Variants in AMACR observed in about 807,000 individuals in gnomAD.
AMACR encodes alpha-methylacyl-CoA racemase, also known as 2-methylacyl-CoA racemase.
A neutral mutation model predicts 22.2 loss-of-function variants in AMACR; 18 were observed. The observed-to-expected ratio is 0.81, with a 90% CI of 0.56 to 1.20. The LOEUF is 1.20. AMACR is among the 50% of genes most tolerant of loss of function. The pLI is 0.00. For synonymous variants in AMACR, 213 were observed against 191.3 expected, an observed-to-expected ratio of 1.11 and a Z score of -0.94; for missense variants, 499 against 490.6, an observed-to-expected ratio of 1.02 and a Z score of -0.16.
At chr5:34,002,177 A>G (rs1753838892) in intron 3 of AMACR, among the ~76,000 whole-genome samples, 1 of 152,018 alleles carries the variant, frequency 6.6e-6, no homozygotes, top group Admixed American at 6.6e-5. Flanking sequence ...TTTGTATTTT[A>G]GTAGAGATGG....
intron 4 of AMACR, chr5:33,997,157 T>C (rs1193679935): frequency 2.7e-6 from 2 of 747,358 alleles, no homozygotes; most frequent in African/African-American, 3.5e-5. Flanking sequence ...TGGGGTGTTG[T>C]CTTAGCAATT....
At chr5:33,999,939 T>C (rs1401001900) in intron 3 of AMACR, among the ~76,000 whole-genome samples, 3 of 152,196 alleles carry the variant, frequency 2.0e-5, no homozygotes, top group African/African-American at 4.8e-5. Flanking sequence ...CACACATATA[T>C]ACACATATGC....
At position 34,005,874 on chromosome 5, in the gene AMACR, G is replaced by C. The variant is rs1337155075; in HGVS notation, c.273C>G (p.Gly91=). 1 of 1,614,112 alleles carries C rather than the reference G, an allele frequency of 6.2e-7. No individual in the cohort carries two copies. Among genetic ancestry groups the C allele is most frequent in the Non-Finnish European group, 8.5e-7 (1 of 1,180,028 alleles). ...GATTTTCCCGCTGCAGAATCTCTGG[G>C]CCCAGCTGGAGTTTCTCCATGACAC... ...RRGVMEKLQL[G]PEILQRENPR... is the part of the protein sequence containing the mutation. Residue 91 remains glycine (G), a synonymous_variant, in exon 2 of 5, where the codon GGC becomes GGG. Coordinates refer to ENST00000335606, the MANE Select transcript of AMACR (RefSeq NM_014324.6).
In AMACR at chr5:33,989,319, T is replaced by A; in HGVS notation, c.923A>T (p.His308Leu). 1 of 1,614,176 alleles carries A rather than the reference T, an allele frequency of 6.2e-7. No homozygotes were observed. The highest frequency in any genetic ancestry group is 8.5e-7 in the Non-Finnish European group (1 of 1,180,038). Residue 308 changes from histidine to leucine, a missense_variant, in exon 5 of 5, where the codon CAC (histidine) becomes CTC (leucine). Transcript: ENST00000335606. ...LTFEEVVHHDHNKERGSFITS... is the reference protein window; with the variant it reads ...LTFEEVVHHDLNKERGSFITS... ...GATAAACGAGCCCCGTTCCTTGTTG[T>A]GATCATGATGAACAACCTCCTCAAA...
intron 2 of AMACR, 29 bp from the exon 3 acceptor site, chr5:34,004,763 T>C: frequency 6.2e-7 from 1 of 1,605,260 alleles, no homozygotes; most frequent in Non-Finnish European, 8.5e-7. Context: ...ATTTAATGTC[T>C]CTTTTAAATT....
At position 33,989,159 on chromosome 5, in the gene AMACR, G is replaced by A. The variant is rs561675407; in HGVS notation, c.1083C>T (p.Arg361=). ...EEILEEFGFS[R]EEIYQLNSDK... is the part of the protein sequence containing the mutation. ...CTGAGTTAAGCTGATAAATCTCTTC[G>A]CGGCTGAATCCAAATTCTTCAAGTA... Residue 361 remains arginine (R), a synonymous_variant, in exon 5 of 5, where the codon CGC becomes CGT. Coordinates refer to ENST00000335606, the MANE Select transcript of AMACR (RefSeq NM_014324.6). 3.9e-5 allele frequency: 63 copies of A among 1,614,112 alleles called. 1 individual carries two copies. In the Admixed American group the frequency reaches 6.2e-4, roughly 16 times the overall value.
At position 33,994,037 on chromosome 5, in the gene AMACR, C is replaced by T. The variant is rs372698354; in HGVS notation, c.740-4535G>A. 68 of 455,470 alleles carry T rather than the reference C, an allele frequency of 1.5e-4. 1 individual carries two copies. Among genetic ancestry groups the T allele is most frequent in the Middle Eastern group, 1.0e-3 (3 of 2,964 alleles). The allele number at this position is 455,470 out of a possible 1,614,324, so 28.2% of individuals were successfully genotyped here. A position where few individuals can be genotyped will look rare whatever the true frequency, so the allele number is the denominator to read the frequency against. On this transcript the variant is annotated intron_variant, in intron 4 of 4. Coordinates refer to ENST00000335606, the MANE Select transcript of AMACR (RefSeq NM_014324.6). Reference sequence around the variant, plus strand: ...TTTTTGTCCTAGAAAATAGCAGGGACGCAGCAGAGTATGCACCTTAAAAAG... The same window carrying T: ...TTTTTGTCCTAGAAAATAGCAGGGATGCAGCAGAGTATGCACCTTAAAAAG...
chr5:34,007,336 G>T lies in AMACR; in HGVS notation c.247+437C>A, dbSNP rs79853365. Among the ~76,000 whole-genome samples the T allele has an allele frequency of 8.6e-3, 1,306 of 152,248 alleles. 19 individuals carry two copies. Among genetic ancestry groups the T allele is most frequent in the African/African-American group, 0.03 (1,246 of 41,540 alleles). On this transcript the variant is annotated intron_variant, in intron 1 of 4. Coordinates refer to ENST00000335606, the MANE Select transcript of AMACR (RefSeq NM_014324.6). ...GCCAGCATTTCAGGCAGGGAGGAGC[G>T]TTAGCCTGGGCCCGTGGATGGCTTG...
chr5:33,988,195 G>T lies in AMACR; in HGVS notation c.*898C>A. 1 of 989,486 alleles carries T rather than the reference G, an allele frequency of 1.0e-6. No homozygotes were observed. The highest frequency in any genetic ancestry group is 1.5e-6 in the Non-Finnish European group (1 of 683,000). 61.3% of individuals were successfully genotyped at this position (989,486 alleles called of 1,614,324 possible). A position where few individuals can be genotyped will look rare whatever the true frequency, so the allele number is the denominator to read the frequency against. ...CCAGGGAAGCTCCAGGAGCAGGCTG[G>T]TTTTATGTAAAGACAATCCCGTCTT... On this transcript the variant is annotated 3_prime_UTR_variant, in exon 5 of 5. Transcript: ENST00000335606.
Position 33,988,704 on chromosome 5 carries a change from G to T in AMACR, c.*389C>A. 3 of 1,195,378 alleles carry T rather than the reference G, an allele frequency of 2.5e-6. No individual in the cohort carries two copies. Among genetic ancestry groups the T allele is most frequent in the Middle Eastern group, 3.5e-4 (1 of 2,884 alleles). 74.0% of individuals were successfully genotyped at this position (1,195,378 alleles called of 1,614,324 possible). On this transcript the variant is annotated 3_prime_UTR_variant, in exon 5 of 5. Transcript: ENST00000335606. ...GACTTTTATCACCATACAATTTGTG[G>T]CATTTCCTCATTTTCTACATTGTAG...
chr5:34,002,892 A>G (rs1369769970), intron 3 of AMACR, among the ~76,000 whole-genome samples: 2 of 152,176 alleles, frequency 1.3e-5, no homozygotes, highest in South Asian at 4.1e-4. Context: ...ACAGTGTCCC[A>G]CAGGCACACA....
intron 4 of AMACR, chr5:33,997,691 G>T (rs979644473): frequency 1.6e-6 from 1 of 643,308 alleles, no homozygotes; most frequent in Admixed American, 2.8e-5. Flanking sequence ...GGACAGAGAG[G>T]TACCCTTTAT....
At chr5:34,005,245 T>C (rs1404209915) in intron 2 of AMACR, among the ~76,000 whole-genome samples, 1 of 152,236 alleles carries the variant, frequency 6.6e-6, no homozygotes, top group Non-Finnish European at 1.5e-5. Flanking sequence ...GAATCAGGCC[T>C]ATCTCACATG....
chr5:34,002,397 T>C (rs1753844200), intron 3 of AMACR, among the ~76,000 whole-genome samples: 1 of 152,250 alleles, frequency 6.6e-6, no homozygotes, highest in Non-Finnish European at 1.5e-5. Context: ...CAATTGCATC[T>C]CTTCAGTAAA....
In AMACR at chr5:33,988,860, A is replaced by G. The variant is rs557294515; in HGVS notation, c.*233T>C. ...TATATCAAGCAAACTGGAAGGCAGA[A>G]TAACTACCATAATTTAGTATAAGTA... On this transcript the variant is annotated 3_prime_UTR_variant, in exon 5 of 5. Transcript: ENST00000335606. The G allele has an allele frequency of 3.5e-4, 474 of 1,370,812 alleles. No homozygotes were observed. The Middle Eastern group carries it at 6.0e-3, about 17-fold the overall frequency. The allele number at this position is 1,370,812 out of a possible 1,614,324, so 84.9% of individuals were successfully genotyped here.
intron 3 of AMACR, among the ~76,000 whole-genome samples, chr5:34,002,921 A>G (rs1374794581): frequency 6.6e-6 from 1 of 152,192 alleles, no homozygotes; most frequent in South Asian, 2.1e-4. Context: ...AGGGCTGGTC[A>G]TGATTCACCA....
intron 3 of AMACR, among the ~76,000 whole-genome samples, chr5:34,000,155 T>C (rs1753771843): frequency 6.6e-6 from 1 of 152,230 alleles, no homozygotes; most frequent in Admixed American, 6.5e-5. Flanking sequence ...TTGTTCTGCA[T>C]GGTTCTCCTC....
rs1340624826 is a variant in AMACR at position 34,004,367 on chromosome 5, C to A, written c.552+207G>T. The stretch of plus-strand genomic sequence containing the variant: ...TCACAGAAAGTTCAGAGAACTGACT[C>A]CAAGGACAGATGATCAAAATATGAC... On this transcript the variant is annotated intron_variant, in intron 3 of 4. Coordinates refer to ENST00000335606, the MANE Select transcript of AMACR (RefSeq NM_014324.6). Among the ~76,000 whole-genome samples, 5 of 152,128 alleles carry A rather than the reference C, an allele frequency of 3.3e-5. No homozygotes were observed. The East Asian group carries it at 7.7e-4, about 23-fold the overall frequency.
intron 4 of AMACR, among the ~76,000 whole-genome samples, chr5:33,992,541 T>C (rs1753515139): frequency 6.6e-6 from 1 of 151,912 alleles, no homozygotes; most frequent in Non-Finnish European, 1.5e-5. Flanking sequence ...AGTCCCTGTC[T>C]CTACAAAAAA....
Sources: allele counts gnomAD v4.1 joint callset (sites outside exome capture counted in the v4.1 genomes callset), GRCh38; gene constraint gnomAD v4.1.1; transcripts MANE v1.5; gene names NCBI Gene and HGNC (gene_info 2026-07-23, HGNC 2026-07-21).